The following STX8 variants were observed in gnomAD, a reference collection of about 807,000 sequenced individuals.
STX8 encodes syntaxin 8.
A neutral mutation model predicts 37.5 loss-of-function variants in STX8; 23 were observed. The ratio of observed to expected loss-of-function variants is 0.61; its 90% CI spans 0.44 to 0.87. The LOEUF (loss-of-function observed/expected upper bound fraction) is 0.87. Among genes scored for constraint, STX8 ranks in the 40% least tolerant of loss-of-function variants. The probability of loss-of-function intolerance (pLI) is 0.00; values close to 1 mark genes in which losing one functional copy is unlikely to be tolerated. For missense variants in STX8, 313 were observed against 284.7 expected, an observed-to-expected ratio of 1.10 and a Z score of -0.71; for synonymous variants, 115 against 99.1, an observed-to-expected ratio of 1.16 and a Z score of -0.95.
chr17:9,260,488 G>A (rs536149773), intron 7 of STX8, among the ~76,000 whole-genome samples: 17 of 152,322 alleles, frequency 1.1e-4, no homozygotes, highest in African/African-American at 3.8e-4. Flanking sequence ...GCCAGGCGTG[G>A]TGGTGCACGC....
At chr17:9,406,007 C>T (rs1912789660) in intron 6 of STX8, among the ~76,000 whole-genome samples, 1 of 152,168 alleles carries the variant, frequency 6.6e-6, no homozygotes, top group Non-Finnish European at 1.5e-5. Flanking sequence ...TACAGAATAG[C>T]TGCATTTTCA....
At chr17:9,421,709 A>G (rs987190455) in intron 6 of STX8, among the ~76,000 whole-genome samples, 3 of 151,742 alleles carry the variant, frequency 2.0e-5, no homozygotes, top group African/African-American at 7.3e-5. Context: ...TTCTTTCCTC[A>G]CTCCAAAAGG....
At chr17:9,306,693 A>C (rs1025896830) in intron 7 of STX8, among the ~76,000 whole-genome samples, 1 of 151,122 alleles carries the variant, frequency 6.6e-6, no homozygotes, top group Non-Finnish European at 1.5e-5. Flanking sequence ...TGAACCCAGA[A>C]GGCGGAGGTT....
intron 6 of STX8, among the ~76,000 whole-genome samples, chr17:9,387,441 C>A (rs998277122): frequency 2.0e-5 from 3 of 152,180 alleles, no homozygotes; most frequent in Non-Finnish European, 2.9e-5. Context: ...ACTACAGGCG[C>A]CCGCCACCAC....
intron 7 of STX8, among the ~76,000 whole-genome samples, chr17:9,331,443 G>C (rs931736149): frequency 1.3e-5 from 2 of 152,032 alleles, no homozygotes; most frequent in African/African-American, 4.8e-5. Flanking sequence ...AAGTCACCAG[G>C]AGTATGAATT....
chr17:9,404,982 AT>A (rs113556947), intron 6 of STX8, among the ~76,000 whole-genome samples: 24 of 146,572 alleles, frequency 1.6e-4, no homozygotes, highest in South Asian at 2.1e-4. Flanking sequence ...CACATCCCCA[AT>A]TTTTTTTTTT....
intron 7 of STX8, among the ~76,000 whole-genome samples, chr17:9,314,931 G>A (rs1337801380): frequency 2.0e-5 from 3 of 150,604 alleles, no homozygotes; most frequent in South Asian, 2.1e-4. Context: ...GTGAAACCCC[G>A]TCTCTACTAA....
chr17:9,390,056 C>G (rs1363987894), intron 6 of STX8, among the ~76,000 whole-genome samples: 1 of 152,212 alleles, frequency 6.6e-6, no homozygotes, highest in African/African-American at 2.4e-5. Context: ...CTCTGGGAAC[C>G]ACCCAGGCTT....
intron 6 of STX8, among the ~76,000 whole-genome samples, chr17:9,409,021 T>C (rs1285869281): frequency 2.0e-5 from 3 of 151,782 alleles, no homozygotes; most frequent in Non-Finnish European, 4.4e-5. Flanking sequence ...CCCCCCCTAC[T>C]GCTCAGAACC....
intron 7 of STX8, among the ~76,000 whole-genome samples, chr17:9,266,571 C>T (rs551307060): frequency 3.9e-5 from 6 of 152,204 alleles, no homozygotes; most frequent in East Asian, 1.9e-4. Flanking sequence ...AGTAGACACA[C>T]GATGTCACCA....
intron 1 of STX8, among the ~76,000 whole-genome samples, chr17:9,572,581 T>C (rs1046955886): frequency 1.3e-5 from 2 of 152,084 alleles, no homozygotes; most frequent in Non-Finnish European, 2.9e-5. Context: ...AGCTAATTTT[T>C]GCGTTTTTAG....
intron 4 of STX8, among the ~76,000 whole-genome samples, chr17:9,506,758 T>C (rs1904853862): frequency 6.6e-6 from 1 of 152,098 alleles, no homozygotes. Context: ...TGCTGGGAAT[T>C]CGTACAGTTG....
At chr17:9,327,911 CCTTCCTTT>C (rs1909831479) in intron 7 of STX8, among the ~76,000 whole-genome samples, 1 of 140,804 alleles carries the variant, frequency 7.1e-6, no homozygotes, top group Non-Finnish European at 1.6e-5. Flanking sequence ...CCCTCCCTTT[CCTTCCTTT>C]CTTCCTTCTG....
chr17:9,329,741 T>C (rs1290376928), intron 7 of STX8, among the ~76,000 whole-genome samples: 1 of 152,142 alleles, frequency 6.6e-6, no homozygotes, highest in Admixed American at 6.5e-5. Flanking sequence ...TAGGAGCCCG[T>C]CACAGCCAAG....
At chr17:9,297,249 AAAAAAAAAG>A (rs1334735994) in intron 7 of STX8, among the ~76,000 whole-genome samples, 2 of 151,484 alleles carry the variant, frequency 1.3e-5, no homozygotes, top group African/African-American at 4.8e-5. Context: ...TGCAAAAAAA[AAAAAAAAAG>A]AAAAAAAAAG....
chr17:9,485,345 G>A (rs564417673), intron 6 of STX8, among the ~76,000 whole-genome samples: 2 of 152,228 alleles, frequency 1.3e-5, no homozygotes, highest in East Asian at 3.9e-4. Flanking sequence ...GGAGTAACTG[G>A]GCAGATGAAG....
chr17:9,406,860 T>C (rs1462683556), intron 6 of STX8, among the ~76,000 whole-genome samples: 1 of 152,108 alleles, frequency 6.6e-6, no homozygotes, highest in Non-Finnish European at 1.5e-5. Flanking sequence ...CCGGGTCAAG[T>C]GTATATTGGA....
At chr17:9,442,125 C>T (rs535230595) in intron 6 of STX8, among the ~76,000 whole-genome samples, 8 of 152,154 alleles carry the variant, frequency 5.3e-5, no homozygotes, top group African/African-American at 1.7e-4. Flanking sequence ...CTCACTTTAC[C>T]GCCACACACG....
chr17:9,513,337 T>C, intron 4 of STX8, among the ~76,000 whole-genome samples: 1 of 128,970 alleles, frequency 7.8e-6, no homozygotes, highest in Non-Finnish European at 1.7e-5. Flanking sequence ...AAAAAAAAGA[T>C]ACACAAAATA....
Sources: allele counts gnomAD v4.1 joint callset (sites outside exome capture counted in the v4.1 genomes callset), GRCh38; gene constraint gnomAD v4.1.1; transcripts MANE v1.5; gene names NCBI Gene and HGNC (gene_info 2026-07-23, HGNC 2026-07-21).